The following PLAA variants were observed in gnomAD, a reference collection of about 807,000 sequenced individuals.
PLAA encodes the protein phospholipase A-2-activating protein.
In PLAA, 48 loss-of-function variants were observed where a neutral mutation model predicts 84.1. The observed-to-expected ratio is 0.57, with a 90% CI of 0.45 to 0.73. The LOEUF is 0.73. PLAA is among the 30% of genes least tolerant of loss of function. The pLI, the probability that PLAA is intolerant of heterozygous loss-of-function variation, is 0.00. For synonymous variants in PLAA, 392 were observed against 336.6 expected (o/e 1.16, Z -1.80); for missense variants, 903 against 954.7 (o/e 0.95, Z 0.71).
At chr9:26,920,126 A>T in intron 8 of PLAA, 101 bp downstream of exon 8, 1 of 897,882 alleles carries the variant, frequency 1.1e-6, no homozygotes, top group Middle Eastern at 2.3e-4. Context: ...TGGATTTTTA[A>T]ATGTCAAAAC....
At chr9:26,925,108 T>C (rs1824898798) in intron 6 of PLAA, among the ~76,000 whole-genome samples, 1 of 152,246 alleles carries the variant, frequency 6.6e-6, no homozygotes. Context: ...CATTTACTTA[T>C]TTCCTACCCA....
intron 2 of PLAA, among the ~76,000 whole-genome samples, chr9:26,932,532 G>A (rs560056252): frequency 2.0e-5 from 3 of 152,282 alleles, no homozygotes; most frequent in Non-Finnish European, 4.4e-5. Context: ...GCAGAGTTGA[G>A]CAGTTATGAG....
Position 26,913,934 on chromosome 9 carries a change from A to C in PLAA, c.1500T>G (p.Tyr500Ter), listed in dbSNP as rs778419345. ...TADPFTGAGRYVPGSASMGTT... is the reference protein window; with the variant it reads ...TADPFTGAGR Reference sequence around the variant, plus strand: ...TTCCCATACTTGCAGAACCTGGTACATAACGACCAGCACCTACAATACAAT... The same window carrying C: ...TTCCCATACTTGCAGAACCTGGTACCTAACGACCAGCACCTACAATACAAT... The change falls in exon 11 of 14, where the codon TAT becomes TAG. Residue 500 changes from tyrosine (Y) to a stop codon, truncating the protein, a stop_gained. Coordinates refer to ENST00000397292, the MANE Select transcript of PLAA (RefSeq NM_001031689.3). LOFTEE classifies it high-confidence loss of function. 1 of 1,611,498 alleles carries C rather than the reference A, an allele frequency of 6.2e-7. No individual in the cohort carries two copies. The highest frequency in any genetic ancestry group is 8.5e-7 in the Non-Finnish European group (1 of 1,177,674).
rs773251554 is a variant in PLAA, at chr9:26,907,666, G to C, written c.1822+168C>G. On this transcript the variant is annotated intron_variant, in intron 13 of 13. Transcript: ENST00000397292. ...CTCAAAAGGCATGTAACGGAAACAA[G>C]ATCATCAATTCCAGTAGTGTAGTGA... 1,246 of 500,910 alleles carry C rather than the reference G, an allele frequency of 2.5e-3. 5 individuals carry two copies. Among genetic ancestry groups the C allele is most frequent in the Non-Finnish European group, 3.0e-3 (883 of 294,740 alleles). 31.0% of individuals were successfully genotyped at this position (500,910 alleles called of 1,614,324 possible).
chr9:26,939,199 T>G (rs548159284), intron 1 of PLAA, among the ~76,000 whole-genome samples: 1 of 151,988 alleles, frequency 6.6e-6, no homozygotes, highest in South Asian at 2.1e-4. Flanking sequence ...CTATCCTGGC[T>G]AACACGGTGA....
chr9:26,910,217 C>A, intron 12 of PLAA, 121 bp downstream of exon 12: 2 of 645,276 alleles, frequency 3.1e-6, no homozygotes, highest in South Asian at 1.8e-5. Context: ...TTTAATACTG[C>A]AATAGAAATA....
intron 5 of PLAA, 87 bp downstream of exon 5, chr9:26,926,306 T>C (rs1055935193): frequency 6.2e-6 from 5 of 800,506 alleles, no homozygotes; most frequent in Middle Eastern, 2.7e-4. Context: ...GTAAATTAAG[T>C]AATCAGCTCT....
Position 26,903,509 on chromosome 9 carries a change from C to G in PLAA, c.*2002G>C, listed in dbSNP as rs1035542248. Among the ~76,000 whole-genome samples the G allele has an allele frequency of 6.6e-6, 1 of 152,272 alleles. No homozygotes were observed. Among genetic ancestry groups the G allele is most frequent in the South Asian group, 2.1e-4 (1 of 4,820 alleles). ...ATTTACATACATAGTCACTATGCCA[C>G]AAGATGTTAAGAATAGTTTTCTCTA... On this transcript the variant is annotated 3_prime_UTR_variant, in exon 14 of 14. Coordinates refer to ENST00000397292, the MANE Select transcript of PLAA (RefSeq NM_001031689.3).
intron 11 of PLAA, among the ~76,000 whole-genome samples, chr9:26,912,098 T>TA (rs1461706516): frequency 6.6e-6 from 1 of 152,148 alleles, no homozygotes. Flanking sequence ...CAATGAAAGA[T>TA]AAGAGTAGGC....
At chr9:26,936,200 C>T (rs1228106952) in intron 1 of PLAA, among the ~76,000 whole-genome samples, 1 of 151,608 alleles carries the variant, frequency 6.6e-6, no homozygotes, top group East Asian at 1.9e-4. Flanking sequence ...ACAATAAATA[C>T]TTATGTTTTT....
At chr9:26,927,121 G>GTCTTTTT (rs1563914296) in intron 4 of PLAA, among the ~76,000 whole-genome samples, 1 of 111,148 alleles carries the variant, frequency 9.0e-6, no homozygotes, top group African/African-American at 4.1e-5. Context: ...TACTTTTTTT[G>GTCTTTTT]TTTTTCTTTT....
At chr9:26,944,829 A>C (rs780960445) in intron 1 of PLAA, among the ~76,000 whole-genome samples, 5 of 152,194 alleles carry the variant, frequency 3.3e-5, no homozygotes, top group Non-Finnish European at 7.3e-5. Context: ...AAAAACAAAA[A>C]CAAAAAAATC....
At chr9:26,911,082 G>C (rs533032251) in intron 11 of PLAA, among the ~76,000 whole-genome samples, 2 of 152,064 alleles carry the variant, frequency 1.3e-5, no homozygotes, top group South Asian at 4.2e-4. Flanking sequence ...TTAAGTTCCA[G>C]GGTACATGTG....
intron 5 of PLAA, 143 bp downstream of exon 5, chr9:26,926,250 A>AT (rs1389209783): frequency 3.2e-6 from 2 of 619,250 alleles, no homozygotes; most frequent in East Asian, 5.5e-5. Flanking sequence ...AACAGGAGAA[A>AT]GATACTTAAT....
In PLAA at chr9:26,947,113, G is replaced by C. The variant is rs887921696; in HGVS notation, c.-68C>G. On this transcript the variant is annotated 5_prime_UTR_variant, in exon 1 of 14. Coordinates refer to ENST00000397292, the MANE Select transcript of PLAA (RefSeq NM_001031689.3). ...GACCAGTCCGCAGGGGCGACTCGGA[G>C]AGCGCCGGGCCGCGGCGGGAGAAGA... 3.5e-6 allele frequency: 5 copies of C among 1,410,008 alleles called. No individual in the cohort carries two copies. The African/African-American group carries it at 7.5e-5, about 21-fold the overall frequency. 87.3% of individuals were successfully genotyped at this position (1,410,008 alleles called of 1,614,324 possible). A position where few individuals can be genotyped will look rare whatever the true frequency, so the allele number is the denominator to read the frequency against.
intron 11 of PLAA, 92 bp from the exon 12 acceptor site, chr9:26,910,531 G>T (rs551063187): frequency 4.1e-5 from 36 of 884,660 alleles, no homozygotes; most frequent in Non-Finnish European, 5.6e-5. Flanking sequence ...CAATTATTGA[G>T]ATATGCAACT....
At position 26,923,174 on chromosome 9, in the gene PLAA, T is replaced by C. The variant is rs1446485952; in HGVS notation, c.1039+4A>G. 6 of 1,579,736 alleles carry C rather than the reference T, an allele frequency of 3.8e-6. No individual in the cohort carries two copies. Among genetic ancestry groups the C allele is most frequent in the Non-Finnish European group, 5.2e-6 (6 of 1,159,958 alleles). Reference sequence around the variant, plus strand: ...TTTTCTACTAGGTACAATAAAATACTTACCAGGTTCATTAAGATGTTCCCT... The same window carrying C: ...TTTTCTACTAGGTACAATAAAATACCTACCAGGTTCATTAAGATGTTCCCT... On this transcript the variant is annotated splice_donor_region_variant and intron_variant, in intron 7 of 13. Transcript: ENST00000397292.
chr9:26,918,675 C>T (rs1162524883), intron 9 of PLAA, among the ~76,000 whole-genome samples: 1 of 152,054 alleles, frequency 6.6e-6, no homozygotes. Flanking sequence ...CAGTAAAGTG[C>T]CTATCTCAAA....
rs1207569079 is a variant in PLAA, at chr9:26,905,068, A to T, written c.*443T>A. 6.6e-6 allele frequency: 1 copy of T among 152,526 alleles called. No homozygotes were observed. The highest frequency in any genetic ancestry group is 1.5e-5 in the Non-Finnish European group (1 of 68,022). The allele number at this position is 152,526 out of a possible 1,614,324, so 9.4% of individuals were successfully genotyped here. A position where few individuals can be genotyped will look rare whatever the true frequency, so the allele number is the denominator to read the frequency against. On this transcript the variant is annotated 3_prime_UTR_variant, in exon 14 of 14. Transcript: ENST00000397292. ...AATATAATTTAAAAAATTTTAAAGT[A>T]GTTATCCTAAAACAAGACCTTGAAA...
Sources: allele counts gnomAD v4.1 joint callset (sites outside exome capture counted in the v4.1 genomes callset), GRCh38; gene constraint gnomAD v4.1.1; transcripts MANE v1.5; gene names NCBI Gene and HGNC (gene_info 2026-07-23, HGNC 2026-07-21).